Variants in ZNF729 observed in about 807,000 individuals in gnomAD.
ZNF729 encodes zinc finger protein 729.
In ZNF729, 15 loss-of-function variants were observed where a neutral mutation model predicts 12.2. That is an observed-to-expected ratio of 1.23 (90% CI 0.82 to 1.89). The LOEUF (loss-of-function observed/expected upper bound fraction) is 1.89, where lower values mean the gene tolerates loss of function less well. Among genes scored for constraint, ZNF729 ranks in the 40% most tolerant of loss-of-function variants. The pLI, the probability that ZNF729 is intolerant of heterozygous loss-of-function variation, is 0.00. For synonymous variants in ZNF729, 492 were observed against 476.3 expected, an observed-to-expected ratio of 1.03 and a Z score of -0.43; for missense variants, 1,540 against 1,456.7, an observed-to-expected ratio of 1.06 and a Z score of -0.93.
intron 1 of ZNF729, among the ~76,000 whole-genome samples, chr19:22,290,753 T>G (rs1390561280): frequency 6.6e-6 from 1 of 152,182 alleles, no homozygotes; most frequent in Non-Finnish European, 1.5e-5. Context: ...TTATTTATTT[T>G]TTTTAATGAG....
chr19:22,288,658 T>G (rs1968112646), intron 1 of ZNF729, among the ~76,000 whole-genome samples: 1 of 152,146 alleles, frequency 6.6e-6, no homozygotes, highest in South Asian at 2.1e-4. Flanking sequence ...TAAGATTGTC[T>G]TCACCCAACC....
chr19:22,288,814 T>C (rs917935469), intron 1 of ZNF729, among the ~76,000 whole-genome samples: 13 of 151,586 alleles, frequency 8.6e-5, no homozygotes, highest in African/African-American at 3.2e-4. Context: ...AGAAATATAA[T>C]GAAAAAATAG....
chr19:22,311,564 A>G (rs948424174), intron 3 of ZNF729, among the ~76,000 whole-genome samples: 3 of 151,428 alleles, frequency 2.0e-5, no homozygotes, highest in Non-Finnish European at 4.4e-5. Flanking sequence ...AGTGCTTGAT[A>G]TAATTTCAGT....
chr19:22,306,431 C>T (rs1243098976), intron 3 of ZNF729, among the ~76,000 whole-genome samples: 12 of 131,988 alleles, frequency 9.1e-5, no homozygotes, highest in Admixed American at 4.0e-4. Context: ...GAGTGAGACT[C>T]CATCTCAAAA....
chr19:22,304,035 A>AAT (rs1555784177), intron 2 of ZNF729, among the ~76,000 whole-genome samples, 151 bp downstream of exon 2: 1 of 129,444 alleles, frequency 7.7e-6, no homozygotes, highest in Non-Finnish European at 1.6e-5. Context: ...GTAGAAAGGA[A>AAT]TTTTTTTTTT....
intron 1 of ZNF729, among the ~76,000 whole-genome samples, chr19:22,301,973 G>A (rs1968312949): frequency 1.3e-5 from 2 of 152,312 alleles, no homozygotes; most frequent in Admixed American, 1.3e-4. Context: ...TGGGTCATTA[G>A]CCCAGAGTCA....
At position 22,317,054 on chromosome 19, in the gene ZNF729, G is replaced by A; in HGVS notation, c.3637G>A (p.Glu1213Lys). 6.2e-7 allele frequency: 1 copy of A among 1,606,520 alleles called. No individual in the cohort carries two copies. Among genetic ancestry groups the A allele is most frequent in the Non-Finnish European group, 8.5e-7 (1 of 1,178,006 alleles). The part of the protein sequence containing the change: ...LIRHKTIHTR[E>K]KPTNVKKVPK... The stretch of plus-strand genomic sequence containing the variant: ...TAGACATAAAACAATTCATACCAGA[G>A]AGAAACCTACAAATGTGAAGAAAGT... The change falls in exon 4 of 4, where the codon GAG becomes AAG. Residue 1213 changes from glutamate to lysine, a missense_variant. Coordinates refer to ENST00000601693, the MANE Select transcript of ZNF729 (RefSeq NM_001242680.2).
intron 3 of ZNF729, among the ~76,000 whole-genome samples, chr19:22,308,086 G>C (rs932711241): frequency 1.3e-5 from 2 of 151,914 alleles, no homozygotes; most frequent in Non-Finnish European, 2.9e-5. Flanking sequence ...TCATAGCTTA[G>C]CTCCTACATA....
intron 2 of ZNF729, 57 bp from the exon 3 acceptor site, chr19:22,304,631 A>T: frequency 7.2e-7 from 1 of 1,392,206 alleles, no homozygotes; most frequent in South Asian, 1.2e-5. Flanking sequence ...CTCTTTAATG[A>T]GCATATTATT....
chr19:22,286,612 G>T, intron 1 of ZNF729, 57 bp downstream of exon 1: 1 of 1,610,408 alleles, frequency 6.2e-7, no homozygotes, highest in Admixed American at 1.7e-5. Context: ...GGAACCGGTG[G>T]GAAGTGGCTG....
chr19:22,302,904 C>T (rs1299969812), intron 1 of ZNF729, among the ~76,000 whole-genome samples: 2 of 152,098 alleles, frequency 1.3e-5, no homozygotes, highest in African/African-American at 4.8e-5. Context: ...ATTCTCCTGC[C>T]TCAGCCTCCA....
Position 22,316,128 on chromosome 19 carries a change from C to G in ZNF729, c.2711C>G (p.Ala904Gly), listed in dbSNP as rs190547254. ...ACTGTACATAAGGTAATTCATACTG[C>G]AGAGAAACCCTGTAAATGTGAAGAA... ...KLTVHKVIHTAEKPCKCEECG... is the reference protein window; with the variant it reads ...KLTVHKVIHTGEKPCKCEECG... The change falls in exon 4 of 4, where the codon GCA becomes GGA. Residue 904 changes from alanine (A) to glycine (G), a missense_variant. Ala to Gly is a moderately conservative substitution (Grantham distance 60, BLOSUM62 0). Transcript: ENST00000601693. 39 of 1,604,248 alleles carry G rather than the reference C, an allele frequency of 2.4e-5. No homozygotes were observed. The highest frequency in any genetic ancestry group is 1.9e-4 in the African/African-American group (14 of 73,214).
rs1320604317 is a variant in ZNF729, at chr19:22,315,340, A to T, written c.1923A>T (p.Ser641=). 3 of 1,613,420 alleles carry T rather than the reference A, an allele frequency of 1.9e-6. No individual in the cohort carries two copies. In the Admixed American group the frequency reaches 5.0e-5, roughly 27 times the overall value. Residue 641 remains serine, a synonymous_variant, in exon 4 of 4, where the codon TCA becomes TCT. Transcript: ENST00000601693. ...GTGGCAAAGCTTTTAGGCAATCCTC[A>T]CACCTTACTAGACATAAAGCAATTC... ...EECGKAFRQS[S]HLTRHKAIHT... is the part of the protein sequence containing the mutation.
chr19:22,295,638 G>A (rs1293325912), intron 1 of ZNF729, among the ~76,000 whole-genome samples: 2 of 152,092 alleles, frequency 1.3e-5, no homozygotes, highest in Admixed American at 1.3e-4. Context: ...CTGACCTCGT[G>A]ATCCGCCCGT....
intron 1 of ZNF729, among the ~76,000 whole-genome samples, chr19:22,291,314 AAACTT>A (rs749150869): frequency 1.3e-5 from 2 of 152,144 alleles, no homozygotes; most frequent in Admixed American, 6.5e-5. Flanking sequence ...GAGAGGATAA[AAACTT>A]AGAGTAAAAA....
chr19:22,295,432 G>C (rs1968217153), intron 1 of ZNF729, among the ~76,000 whole-genome samples: 1 of 148,132 alleles, frequency 6.8e-6, no homozygotes, highest in South Asian at 2.1e-4. Flanking sequence ...CTGTCGCCCA[G>C]GCTGGAGTGC....
At chr19:22,308,533 C>T (rs1015398993) in intron 3 of ZNF729, among the ~76,000 whole-genome samples, 5 of 151,208 alleles carry the variant, frequency 3.3e-5, no homozygotes, top group Non-Finnish European at 7.4e-5. Flanking sequence ...CCAACATCTA[C>T]TGTTTTTTTG....
chr19:22,309,064 C>G (rs1238764907), intron 3 of ZNF729, among the ~76,000 whole-genome samples: 1 of 152,170 alleles, frequency 6.6e-6, no homozygotes, highest in African/African-American at 2.4e-5. Context: ...CTTAATCCAT[C>G]TTGAGTTGAT....
chr19:22,307,802 T>G (rs939221783), intron 3 of ZNF729, among the ~76,000 whole-genome samples: 8 of 40,674 alleles, frequency 2.0e-4, no homozygotes, highest in African/African-American at 1.6e-3. Flanking sequence ...AGCTCTGTGT[T>G]TTTTTTTTTT....
Sources: allele counts gnomAD v4.1 joint callset (sites outside exome capture counted in the v4.1 genomes callset), GRCh38; gene constraint gnomAD v4.1.1; transcripts MANE v1.5; gene names NCBI Gene and HGNC (gene_info 2026-07-23, HGNC 2026-07-21).